The following KIF3A variants were observed in gnomAD, a reference collection of about 807,000 sequenced individuals.
KIF3A encodes kinesin-like protein KIF3A.
KIF3A carries 27 observed loss-of-function variants against 92.6 expected under a neutral mutation model. The ratio of observed to expected loss-of-function variants is 0.29; its 90% CI spans 0.21 to 0.40. The LOEUF (loss-of-function observed/expected upper bound fraction) is 0.40, where lower values mean the gene tolerates loss of function less well. Ranked by LOEUF, KIF3A falls within the 10% of genes least tolerant of loss-of-function variation. KIF3A has a pLI of 1.00. For synonymous variants in KIF3A, 250 were observed against 275.4 expected, an observed-to-expected ratio of 0.91 and a Z score of 0.92; for missense variants, 581 against 872.6, an observed-to-expected ratio of 0.67 and a Z score of 4.21.
At chr5:132,698,294 T>G (rs1752906159) in intron 18 of KIF3A, among the ~76,000 whole-genome samples, 1 of 152,022 alleles carries the variant, frequency 6.6e-6, no homozygotes. Context: ...TTAAATAAAC[T>G]GAACAGTCCT....
chr5:132,690,466 CTATAG>C (rs1752634645), downstream of KIF3A, among the ~76,000 whole-genome samples: 1 of 152,014 alleles, frequency 6.6e-6, no homozygotes, highest in Non-Finnish European at 1.5e-5. Flanking sequence ...TGTAGAATGA[CTATAG>C]TAAACAACAA....
chr5:132,717,558 C>T (rs183809205), intron 5 of KIF3A, among the ~76,000 whole-genome samples: 150 of 150,230 alleles, frequency 1.0e-3, no homozygotes, highest in Non-Finnish European at 1.6e-3. Context: ...GATCTAAAAA[C>T]GTGGAAAAAT....
At chr5:132,728,025 CTAAG>C (rs1461117687) in intron 2 of KIF3A, among the ~76,000 whole-genome samples, 1 of 152,132 alleles carries the variant, frequency 6.6e-6, no homozygotes, top group African/African-American at 2.4e-5. Flanking sequence ...TTCAAACTGA[CTAAG>C]TATTTCAAAC....
intron 2 of KIF3A, among the ~76,000 whole-genome samples, chr5:132,728,959 C>G (rs965031663): frequency 6.6e-6 from 1 of 151,960 alleles, no homozygotes; most frequent in African/African-American, 2.4e-5. Flanking sequence ...TAAAAAGGAA[C>G]AAAATAATGG....
intron 2 of KIF3A, among the ~76,000 whole-genome samples, chr5:132,733,579 G>C (rs1298563315): frequency 6.6e-6 from 1 of 152,158 alleles, no homozygotes; most frequent in Non-Finnish European, 1.5e-5. Flanking sequence ...ACCTGACTGA[G>C]CAACACAGCA....
At chr5:132,717,944 C>A (rs1753686497) in intron 5 of KIF3A, among the ~76,000 whole-genome samples, 1 of 151,918 alleles carries the variant, frequency 6.6e-6, no homozygotes, top group South Asian at 2.1e-4. Context: ...TGAATGAAAT[C>A]TTGTGTTAAA....
intron 1 of KIF3A, among the ~76,000 whole-genome samples, chr5:132,737,159 G>T (rs1386141376): frequency 6.6e-6 from 1 of 152,228 alleles, no homozygotes; most frequent in Non-Finnish European, 1.5e-5. Flanking sequence ...TTTTTGATAA[G>T]CGGCGCAGGC....
chr5:132,693,358 A>C lies in KIF3A; in HGVS notation c.*3276T>G, dbSNP rs1456611447. 1 of 152,554 alleles carries C rather than the reference A, an allele frequency of 6.6e-6. No individual in the cohort carries two copies. The highest frequency in any genetic ancestry group is 1.5e-5 in the Non-Finnish European group (1 of 68,042). The allele number at this position is 152,554 out of a possible 1,614,324, so 9.5% of individuals were successfully genotyped here. On this transcript the variant is annotated 3_prime_UTR_variant, in exon 19 of 19. Coordinates refer to ENST00000403231, the MANE Select transcript of KIF3A (RefSeq NM_001300791.2). ...CATCCTATTAGTATATGTAATTGTA[A>C]GGATTATTAAAGAAGATACTATAAA...
At chr5:132,713,885 CTTTCT>C (rs1561700232) in intron 8 of KIF3A, among the ~76,000 whole-genome samples, 1 of 113,408 alleles carries the variant, frequency 8.8e-6, no homozygotes, top group East Asian at 2.3e-4. Context: ...CTGTATTTCA[CTTTCT>C]TTTTTTTTTT....
chr5:132,724,724 A>G (rs1434295936), intron 4 of KIF3A, among the ~76,000 whole-genome samples: 1 of 148,816 alleles, frequency 6.7e-6, no homozygotes, highest in Non-Finnish European at 1.5e-5. Flanking sequence ...GCACACCAAC[A>G]TGGCACATGT....
At chr5:132,709,370 A>G (rs1248748774) in intron 9 of KIF3A, among the ~76,000 whole-genome samples, 2 of 152,230 alleles carry the variant, frequency 1.3e-5, no homozygotes, top group Non-Finnish European at 2.9e-5. Context: ...TCAAAGTCAT[A>G]CACAATAAAT....
At position 132,699,047 on chromosome 5, in the gene KIF3A, ATTTTT is replaced by A; in HGVS notation, c.2132+119_2132+123del. On this transcript the variant is annotated intron_variant, in intron 18 of 18. Transcript: ENST00000403231. ...GCCACTGTGCCCAGCCAGGAATTTG[ATTTTT>A]AATAAATCAGCCAAAATATGTATCA... 3 of 1,044,902 alleles carry A rather than the reference ATTTTT, an allele frequency of 2.9e-6. No individual in the cohort carries two copies. In the South Asian group the frequency reaches 4.7e-5, roughly 16 times the overall value. The allele number at this position is 1,044,902 out of a possible 1,614,324, so 64.7% of individuals were successfully genotyped here.
intron 12 of KIF3A, 23 bp downstream of exon 12, chr5:132,703,440 C>A (rs2285700): frequency 0.69 from 1,062,256 of 1,537,898 alleles, 381,421 homozygotes; most frequent in Non-Finnish European, 0.75. Flanking sequence ...ATCATGAATT[C>A]ATCTCAATTC....
rs1752756231 is a variant in KIF3A at position 132,694,114 on chromosome 5, G to A, written c.*2520C>T. On this transcript the variant is annotated 3_prime_UTR_variant, in exon 19 of 19. Transcript: ENST00000403231. The stretch of plus-strand genomic sequence containing the variant: ...TTTAAAAAACTGCTATAGTAGGCGG[G>A]GTGTGGTGGCTCAGGCCTATAATCA... 1 of 151,962 alleles carries A rather than the reference G, an allele frequency of 6.6e-6. No individual in the cohort carries two copies. Among genetic ancestry groups the A allele is most frequent in the Admixed American group, 6.6e-5 (1 of 15,220 alleles). The allele number at this position is 151,962 out of a possible 1,614,324, so 9.4% of individuals were successfully genotyped here.
At chr5:132,691,348 G>A (rs919695067), downstream of KIF3A, among the ~76,000 whole-genome samples, 1 of 151,992 alleles carries the variant, frequency 6.6e-6, no homozygotes, top group African/African-American at 2.4e-5. Context: ...GGGAGTTCGA[G>A]ACGAGCCTGA....
rs895145933 is a variant in KIF3A at position 132,693,454 on chromosome 5, C to T, written c.*3180G>A. The stretch of plus-strand genomic sequence containing the variant: ...TTAAATTAAAGGGAAAAGAGAATAC[C>T]CATTCAATAACCTATTTATATATAT... On this transcript the variant is annotated 3_prime_UTR_variant, in exon 19 of 19. Coordinates refer to ENST00000403231, the MANE Select transcript of KIF3A (RefSeq NM_001300791.2). The T allele has an allele frequency of 6.6e-6, 1 of 152,502 alleles. No individual in the cohort carries two copies. The highest frequency in any genetic ancestry group is 2.4e-5 in the African/African-American group (1 of 41,346). 9.4% of individuals were successfully genotyped at this position (152,502 alleles called of 1,614,324 possible).
chr5:132,734,821 C>T (rs1263951085), intron 1 of KIF3A, among the ~76,000 whole-genome samples: 1 of 152,214 alleles, frequency 6.6e-6, no homozygotes, highest in Non-Finnish European at 1.5e-5. Context: ...TAGGAAAACA[C>T]ATGTGAACAT....
At chr5:132,710,656 C>T (rs577589968) in intron 9 of KIF3A, among the ~76,000 whole-genome samples, 1 of 152,172 alleles carries the variant, frequency 6.6e-6, no homozygotes, top group South Asian at 2.1e-4. Context: ...AACTTAGGTT[C>T]CTAACACAGA....
At chr5:132,711,282 T>A (rs1309464847) in intron 8 of KIF3A, among the ~76,000 whole-genome samples, 2 of 152,202 alleles carry the variant, frequency 1.3e-5, no homozygotes, top group African/African-American at 4.8e-5. Context: ...AGTTAAATTC[T>A]GACCCACTTA....
Sources: allele counts gnomAD v4.1 joint callset (sites outside exome capture counted in the v4.1 genomes callset), GRCh38; gene constraint gnomAD v4.1.1; transcripts MANE v1.5; gene names NCBI Gene and HGNC (gene_info 2026-07-23, HGNC 2026-07-21).